Variants in DOK5 observed in about 807,000 individuals in gnomAD.
DOK5 encodes downstream of tyrosine kinase 5.
A neutral mutation model predicts 43.3 loss-of-function variants in DOK5; 27 were observed. That is an observed-to-expected ratio of 0.62 (90% CI 0.46 to 0.86). DOK5 has a LOEUF of 0.86. DOK5 is among the 40% of genes least tolerant of loss of function. The pLI is 0.00. For synonymous variants in DOK5, 146 were observed against 140.1 expected, an observed-to-expected ratio of 1.04 and a Z score of -0.30; for missense variants, 373 against 392.9, an observed-to-expected ratio of 0.95 and a Z score of 0.43.
intron 1 of DOK5, among the ~76,000 whole-genome samples, chr20:54,486,660 G>A (rs1484843667): frequency 6.6e-6 from 1 of 152,036 alleles, no homozygotes; most frequent in East Asian, 1.9e-4. Context: ...TTTAGTTTGG[G>A]TCTCAGCTTG....
intron 1 of DOK5, among the ~76,000 whole-genome samples, chr20:54,494,209 G>A (rs985419914): frequency 2.0e-5 from 3 of 152,104 alleles, no homozygotes; most frequent in South Asian, 2.1e-4. Context: ...TCAGCTCTTC[G>A]CTTTATTGTT....
chr20:54,597,554 A>G (rs1986180686), intron 5 of DOK5, among the ~76,000 whole-genome samples: 1 of 152,218 alleles, frequency 6.6e-6, no homozygotes, highest in South Asian at 2.1e-4. Flanking sequence ...TAGGGGATAC[A>G]GTTATTTCCC....
intron 1 of DOK5, among the ~76,000 whole-genome samples, chr20:54,510,490 A>G (rs1982977878): frequency 6.6e-6 from 1 of 152,198 alleles, no homozygotes; most frequent in Non-Finnish European, 1.5e-5. Flanking sequence ...TTTAAACCAC[A>G]GCCAGGCATG....
chr20:54,538,414 T>C (rs1037187464), intron 1 of DOK5, among the ~76,000 whole-genome samples: 8 of 151,940 alleles, frequency 5.3e-5, no homozygotes, highest in Non-Finnish European at 8.8e-5. Flanking sequence ...CACTGTCAGA[T>C]GAAAGAAAAT....
intron 5 of DOK5, among the ~76,000 whole-genome samples, chr20:54,608,561 T>C (rs1359470270): frequency 6.6e-6 from 1 of 152,184 alleles, no homozygotes; most frequent in Non-Finnish European, 1.5e-5. Flanking sequence ...CTTCTTTGGG[T>C]TAAAATGACT....
intron 1 of DOK5, among the ~76,000 whole-genome samples, chr20:54,530,197 G>C (rs115695170): frequency 6.6e-6 from 1 of 152,068 alleles, no homozygotes; most frequent in East Asian, 1.9e-4. Flanking sequence ...TCCTTTATTT[G>C]GTGTGTGTCT....
chr20:54,624,741 T>C (rs1309611042), intron 6 of DOK5, among the ~76,000 whole-genome samples: 2 of 152,198 alleles, frequency 1.3e-5, no homozygotes, highest in East Asian at 3.8e-4. Context: ...TGGCTGAGAA[T>C]TCAGATGGCT....
chr20:54,534,778 C>A (rs982849295), intron 1 of DOK5, among the ~76,000 whole-genome samples: 1 of 151,276 alleles, frequency 6.6e-6, no homozygotes, highest in Non-Finnish European at 1.5e-5. Context: ...GATGCTGTCC[C>A]TTTCATATCT....
chr20:54,610,024 G>A (rs775431459), intron 5 of DOK5, among the ~76,000 whole-genome samples: 8 of 152,328 alleles, frequency 5.3e-5, no homozygotes, highest in Non-Finnish European at 1.2e-4. Context: ...TTCACAGACT[G>A]TACAAAGGAA....
chr20:54,510,978 A>G (rs1982995699), intron 1 of DOK5, among the ~76,000 whole-genome samples: 1 of 152,200 alleles, frequency 6.6e-6, no homozygotes, highest in African/African-American at 2.4e-5. Flanking sequence ...AACCCACATC[A>G]CCAGGCTTCA....
chr20:54,648,774 T>C (rs1979562597), intron 7 of DOK5, among the ~76,000 whole-genome samples: 1 of 152,070 alleles, frequency 6.6e-6, no homozygotes, highest in Non-Finnish European at 1.5e-5. Flanking sequence ...ATTCAAGGGA[T>C]TGCAAGAGAA....
At chr20:54,490,752 G>T (rs1026899344) in intron 1 of DOK5, among the ~76,000 whole-genome samples, 4 of 152,164 alleles carry the variant, frequency 2.6e-5, no homozygotes, top group Non-Finnish European at 5.9e-5. Flanking sequence ...ACCACGCCCA[G>T]CTAATTTTTG....
intron 1 of DOK5, among the ~76,000 whole-genome samples, chr20:54,480,484 A>G (rs953728677): frequency 6.6e-6 from 1 of 152,202 alleles, no homozygotes; most frequent in Non-Finnish European, 1.5e-5. Context: ...GGGAGGCATG[A>G]ATAATCCATC....
At chr20:54,527,684 A>C (rs1265345090) in intron 1 of DOK5, among the ~76,000 whole-genome samples, 1 of 152,210 alleles carries the variant, frequency 6.6e-6, no homozygotes, top group Non-Finnish European at 1.5e-5. Context: ...CATTTTAAAC[A>C]AGAATTCAAC....
chr20:54,539,983 G>T (rs1388544486), intron 1 of DOK5, among the ~76,000 whole-genome samples: 5 of 152,216 alleles, frequency 3.3e-5, no homozygotes, highest in Non-Finnish European at 7.3e-5. Flanking sequence ...TAACACTTTG[G>T]AGGCTGGCCT....
At chr20:54,518,090 C>T (rs887296778) in intron 1 of DOK5, among the ~76,000 whole-genome samples, 1 of 151,950 alleles carries the variant, frequency 6.6e-6, no homozygotes, top group East Asian at 1.9e-4. Context: ...CTCAGTTGCC[C>T]CCTCTGGTAG....
chr20:54,592,532 C>A (rs1190226473), intron 5 of DOK5, among the ~76,000 whole-genome samples: 1 of 151,648 alleles, frequency 6.6e-6, no homozygotes, highest in African/African-American at 2.4e-5. Context: ...TTTGGGAACA[C>A]TGCAGGTAAT....
intron 1 of DOK5, among the ~76,000 whole-genome samples, chr20:54,492,937 C>G (rs1230548407): frequency 1.3e-5 from 2 of 151,664 alleles, no homozygotes; most frequent in South Asian, 4.2e-4. Flanking sequence ...CGCCTGTAAT[C>G]CCAGTTACTC....
chr20:54,541,544 T>C (rs1341089036), intron 1 of DOK5, among the ~76,000 whole-genome samples: 1 of 152,172 alleles, frequency 6.6e-6, no homozygotes, highest in Non-Finnish European at 1.5e-5. Flanking sequence ...CAAGTGATTC[T>C]CCTGCCTCAG....
Sources: gnomAD v4.1 joint callset for allele counts (sites outside exome capture counted in the v4.1 genomes callset) on GRCh38, gnomAD v4.1.1 for gene constraint, MANE v1.5 for transcripts, NCBI Gene and HGNC (gene_info 2026-07-23, HGNC 2026-07-21) for gene names.